The following ATP13A5 variants were observed in gnomAD, a reference collection of about 807,000 sequenced individuals.
ATP13A5 encodes ATPase 13A5, also known as probable cation-transporting ATPase 13A5.
In ATP13A5, 149 loss-of-function variants were observed where a neutral mutation model predicts 150.2. The ratio of observed to expected loss-of-function variants is 0.99; its 90% CI spans 0.87 to 1.14. The LOEUF is 1.14. Ranked by LOEUF, ATP13A5 falls within the 50% of genes most tolerant of loss-of-function variation. The probability of loss-of-function intolerance (pLI) is 0.00; values close to 1 mark genes in which losing one functional copy is unlikely to be tolerated. For missense variants in ATP13A5, 1,383 were observed against 1,449.3 expected, an observed-to-expected ratio of 0.95 and a Z score of 0.74; for synonymous variants, 497 against 522.2, an observed-to-expected ratio of 0.95 and a Z score of 0.66.
At chr3:193,344,876 C>T (rs532219443) in intron 8 of ATP13A5, 127 bp downstream of exon 8, 15 of 925,074 alleles carry the variant, frequency 1.6e-5, no homozygotes, top group East Asian at 2.6e-5. Context: ...TTCTTTGCCT[C>T]ACCCTCGTCC....
chr3:193,289,440 C>A (rs924652078), intron 26 of ATP13A5, among the ~76,000 whole-genome samples: 9 of 152,080 alleles, frequency 5.9e-5, no homozygotes, highest in Non-Finnish European at 8.8e-5. Context: ...TGATTCATCA[C>A]CTGATTTTGT....
intron 18 of ATP13A5, 47 bp from the exon 19 acceptor site, chr3:193,314,240 C>A: frequency 6.3e-7 from 1 of 1,591,100 alleles, no homozygotes; most frequent in Non-Finnish European, 8.6e-7. Flanking sequence ...AACCTCCCCT[C>A]AGCAACAAGA....
At chr3:193,376,041 G>A (rs1022173635) in intron 1 of ATP13A5, among the ~76,000 whole-genome samples, 1 of 152,128 alleles carries the variant, frequency 6.6e-6, no homozygotes, top group Admixed American at 6.5e-5. Flanking sequence ...CAAGTGGGGC[G>A]AGGCTGTCAA....
At position 193,294,731 on chromosome 3, in the gene ATP13A5, C is replaced by G. The variant is rs537619916; in HGVS notation, c.2848+4400G>C. 4.6e-5 allele frequency among the ~76,000 whole-genome samples: 7 copies of G among 152,188 alleles called. No individual in the cohort carries two copies. The South Asian group carries it at 1.0e-3, about 23-fold the overall frequency. ...CTTTGATTTACAATGGGGTTACATT[C>G]TGATAAGCCCATTGTAAATTGAAAA... On this transcript the variant is annotated intron_variant, in intron 25 of 29. Transcript: ENST00000342358.
Position 193,314,074 on chromosome 3 carries a change from A to T in ATP13A5, c.2278T>A (p.Trp760Arg), listed in dbSNP as rs760033344. The stretch of plus-strand genomic sequence containing the variant: ...GTCTCTTGGTTCTCCACCAGCTGCC[A>T]GGTCACAGAGGCAGGAACAAATTCT... ...PEEFVPASVT[W>R]QLVENQETGP... The change falls in exon 19 of 30, where the codon TGG (tryptophan) becomes AGG (arginine). Residue 760 changes from tryptophan (W) to arginine (R), a missense_variant. This residue lies in a region of ATP13A5 where 568 missense variants were observed against 621.5 expected (regional missense o/e 0.91). Coordinates refer to ENST00000342358, the MANE Select transcript of ATP13A5 (RefSeq NM_198505.4). 6.2e-7 allele frequency: 1 copy of T among 1,613,790 alleles called. No homozygotes were observed. The highest frequency in any genetic ancestry group is 1.3e-5 in the African/African-American group (1 of 75,040).
chr3:193,339,190 C>A (rs1712017230), intron 9 of ATP13A5, among the ~76,000 whole-genome samples: 1 of 151,838 alleles, frequency 6.6e-6, no homozygotes, highest in Non-Finnish European at 1.5e-5. Context: ...AATCAGCTCC[C>A]GGATTCATTG....
chr3:193,307,200 A>G, intron 22 of ATP13A5, 127 bp downstream of exon 22: 1 of 1,551,968 alleles, frequency 6.4e-7, no homozygotes, highest in Non-Finnish European at 8.7e-7. Context: ...GTAGAGGTGG[A>G]TATAAACAGC....
chr3:193,354,940 C>CTTTTTTT (rs545467259), intron 5 of ATP13A5, among the ~76,000 whole-genome samples: 1 of 127,916 alleles, frequency 7.8e-6, no homozygotes, highest in African/African-American at 3.0e-5. Context: ...AACAATGTAA[C>CTTTTTTT]TTTTTTTTTG....
At chr3:193,279,100 T>C (rs1303185344) in intron 28 of ATP13A5, among the ~76,000 whole-genome samples, 1 of 152,228 alleles carries the variant, frequency 6.6e-6, no homozygotes, top group Non-Finnish European at 1.5e-5. Flanking sequence ...TTTTATTGTA[T>C]TGGTATAACA....
Position 193,324,954 on chromosome 3 carries a change from C to T in ATP13A5, c.1584G>A (p.Ala528=), listed in dbSNP as rs547943821. The change falls in exon 14 of 30, where the codon GCG becomes GCA. Residue 528 remains alanine, a synonymous_variant. Coordinates refer to ENST00000342358, the MANE Select transcript of ATP13A5 (RefSeq NM_198505.4). The stretch of plus-strand genomic sequence containing the variant: ...TCAGAGAGTGGCAGCTGGCCATGGC[C>T]GCACACAGTGGGCTCCATGGCACAG... ...GQAVPWSPLC[A]AMASCHSLIL... 2.0e-5 allele frequency: 33 copies of T among 1,614,014 alleles called. No homozygotes were observed. Among genetic ancestry groups the T allele is most frequent in the Admixed American group, 8.3e-5 (5 of 60,016 alleles).
At position 193,327,007 on chromosome 3, in the gene ATP13A5, A is replaced by T. The variant is rs1471877119; in HGVS notation, c.1512T>A (p.Thr504=). 6.2e-7 allele frequency: 1 copy of T among 1,613,970 alleles called. No homozygotes were observed. The highest frequency in any genetic ancestry group is 1.1e-5 in the South Asian group (1 of 91,030). Residue 504 remains threonine (T), a synonymous_variant, in exon 13 of 30, where the codon ACT becomes ACA. Coordinates refer to ENST00000342358, the MANE Select transcript of ATP13A5 (RefSeq NM_198505.4). Reference sequence around the variant, plus strand: ...CATAAGAGGCCTACCAGTTGTCAGCAGTAGGGACAGTCCCCCAGAGGTCCA... The same window carrying T: ...CATAAGAGGCCTACCAGTTGTCAGCTGTAGGGACAGTCCCCCAGAGGTCCA... ...DGLDLWGTVP[T]ADNCFQEAHS...
Position 193,326,998 on chromosome 3 carries a change from G to A in ATP13A5, c.1521C>T (p.Asn507=), listed in dbSNP as rs142024330. 5.3e-4 allele frequency: 849 copies of A among 1,613,702 alleles called. No individual in the cohort carries two copies. The highest frequency in any genetic ancestry group is 6.8e-4 in the Non-Finnish European group (800 of 1,179,706). Residue 507 remains asparagine, a splice_region_variant and synonymous_variant, in exon 13 of 30, where the codon AAC becomes AAT. Transcript: ENST00000342358. Reference sequence around the variant, plus strand: ...CCATTTTCACATAAGAGGCCTACCAGTTGTCAGCAGTAGGGACAGTCCCCC... The same window carrying A: ...CCATTTTCACATAAGAGGCCTACCAATTGTCAGCAGTAGGGACAGTCCCCC... ...DLWGTVPTAD[N]CFQEAHSFAS...
intron 25 of ATP13A5, among the ~76,000 whole-genome samples, chr3:193,291,772 C>T (rs910491540): frequency 3.3e-5 from 5 of 151,912 alleles, no homozygotes; most frequent in Admixed American, 2.6e-4. Flanking sequence ...ATCGATGTGC[C>T]AAGAGGGTGA....
At chr3:193,338,522 T>C (rs1711984329) in intron 9 of ATP13A5, among the ~76,000 whole-genome samples, 1 of 152,244 alleles carries the variant, frequency 6.6e-6, no homozygotes, top group African/African-American at 2.4e-5. Flanking sequence ...TCTGTTTATA[T>C]GCTGGATTAC....
rs558224395 is a variant in ATP13A5 at position 193,290,025 on chromosome 3, T to C, written c.2883A>G (p.Pro961=). ...AAAGGAGCTGTCCTGCTGGTCTATA[T>C]GGAGCCAGCTTTGGGTAGGCATGAG... ...SSTHAYPKLA[P]YRPAGQLLSP... The change falls in exon 26 of 30, where the codon CCA becomes CCG. Residue 961 remains proline, a synonymous_variant. Coordinates refer to ENST00000342358, the MANE Select transcript of ATP13A5 (RefSeq NM_198505.4). 1.2e-6 allele frequency: 2 copies of C among 1,611,034 alleles called. No homozygotes were observed. Among genetic ancestry groups the C allele is most frequent in the South Asian group, 1.1e-5 (1 of 90,414 alleles).
At chr3:193,354,585 A>G (rs776409712) in intron 5 of ATP13A5, among the ~76,000 whole-genome samples, 2 of 151,812 alleles carry the variant, frequency 1.3e-5, no homozygotes, top group African/African-American at 4.8e-5. Context: ...AGTCATATCT[A>G]TCTTACTTTG....
chr3:193,354,895 T>C (rs1269748660), intron 5 of ATP13A5, among the ~76,000 whole-genome samples: 1 of 151,292 alleles, frequency 6.6e-6, no homozygotes, highest in Non-Finnish European at 1.5e-5. Flanking sequence ...CAGTGCGGCA[T>C]GTAGCCAAAA....
At chr3:193,344,842 T>C (rs1227337300) in intron 8 of ATP13A5, among the ~76,000 whole-genome samples, 161 bp downstream of exon 8, 2 of 152,192 alleles carry the variant, frequency 1.3e-5, no homozygotes. Context: ...ATCTTGCCTC[T>C]TTAAATTTTC....
Position 193,276,868 on chromosome 3 carries a change from CTT to C in ATP13A5, c.3316-40_3316-39del, listed in dbSNP as rs1030602153. The stretch of plus-strand genomic sequence containing the variant: ...AAATACCATTATTATATTTTGCACA[CTT>C]CACACTTTGAAAAAAGACCATATTA... On this transcript the variant is annotated intron_variant, in intron 28 of 29. Transcript: ENST00000342358. 11 of 1,430,908 alleles carry C rather than the reference CTT, an allele frequency of 7.7e-6. No individual in the cohort carries two copies. In the African/African-American group the frequency reaches 1.6e-4, roughly 20 times the overall value. The allele number at this position is 1,430,908 out of a possible 1,614,324, so 88.6% of individuals were successfully genotyped here.
Sources: allele counts gnomAD v4.1 joint callset (sites outside exome capture counted in the v4.1 genomes callset), GRCh38; gene constraint gnomAD v4.1.1; regional missense constraint gnomAD v4.1.1; transcripts MANE v1.5; gene names NCBI Gene and HGNC (gene_info 2026-07-23, HGNC 2026-07-21).